Variants in SCRN1 observed in about 807,000 individuals in gnomAD.
SCRN1 encodes secernin 1.
In SCRN1, 19 loss-of-function variants were observed where a neutral mutation model predicts 43.3. The observed-to-expected ratio is 0.44, with a 90% CI of 0.31 to 0.64. The LOEUF is 0.64. Ranked by LOEUF, SCRN1 falls within the 30% of genes least tolerant of loss-of-function variation. The pLI is 0.09. For missense variants in SCRN1, 447 were observed against 524.1 expected (o/e 0.85, Z 1.44); for synonymous variants, 183 against 188.9 (o/e 0.97, Z 0.26).
chr7:29,963,403 G>A (rs1157988342), intron 2 of SCRN1, among the ~76,000 whole-genome samples: 1 of 152,206 alleles, frequency 6.6e-6, no homozygotes. Flanking sequence ...AAGTAGATGA[G>A]AGGAGGGGAG....
chr7:29,922,801 T>A lies in SCRN1; in HGVS notation c.*1156A>T, dbSNP rs1786811506. ...TATCCTGCAGAGAAATGCTTCTATA[T>A]CCATCTATCACCTCCTTGCCCTCTG... On this transcript the variant is annotated 3_prime_UTR_variant, in exon 8 of 8. Transcript: ENST00000242059. 1.3e-5 allele frequency: 2 copies of A among 152,342 alleles called. No homozygotes were observed. The highest frequency in any genetic ancestry group is 4.1e-4 in the South Asian group (2 of 4,836). 9.4% of individuals were successfully genotyped at this position (152,342 alleles called of 1,614,324 possible). A position where few individuals can be genotyped will look rare whatever the true frequency, so the allele number is the denominator to read the frequency against.
intron 2 of SCRN1, among the ~76,000 whole-genome samples, chr7:29,957,276 G>C (rs369692542): frequency 1.3e-5 from 2 of 152,188 alleles, no homozygotes; most frequent in East Asian, 1.9e-4. Flanking sequence ...TGTCCTTTTG[G>C]CTGGGGAGGA....
At chr7:29,933,284 C>A (rs569774622) in intron 6 of SCRN1, among the ~76,000 whole-genome samples, 1 of 152,228 alleles carries the variant, frequency 6.6e-6, no homozygotes, top group African/African-American at 2.4e-5. Context: ...AGTTTTATGG[C>A]ATTTGCCAAT....
Position 29,989,672 on chromosome 7 carries a change from C to T in SCRN1, c.-32G>A, listed in dbSNP as rs1190577066. Reference sequence around the variant, plus strand: ...GCGGCGGGCTCCGGGCTCCGCTCTCCGCTCTGCGGTGCTGAGGCTGCGGCC... The same window carrying T: ...GCGGCGGGCTCCGGGCTCCGCTCTCTGCTCTGCGGTGCTGAGGCTGCGGCC... On this transcript the variant is annotated 5_prime_UTR_variant, in exon 1 of 8. Coordinates refer to ENST00000242059, the MANE Select transcript of SCRN1 (RefSeq NM_014766.5). 4.1e-6 allele frequency: 4 copies of T among 985,674 alleles called. No individual in the cohort carries two copies. The highest frequency in any genetic ancestry group is 1.1e-4 in the East Asian group (1 of 8,816). 61.1% of individuals were successfully genotyped at this position (985,674 alleles called of 1,614,324 possible). A position where few individuals can be genotyped will look rare whatever the true frequency, so the allele number is the denominator to read the frequency against.
chr7:29,931,006 G>A (rs572505797), intron 6 of SCRN1, among the ~76,000 whole-genome samples: 14 of 152,318 alleles, frequency 9.2e-5, no homozygotes, highest in African/African-American at 2.2e-4. Flanking sequence ...ATGACACGAC[G>A]CACAGCGTGG....
chr7:29,934,850 TG>T (rs1036205584), intron 6 of SCRN1, among the ~76,000 whole-genome samples: 3 of 152,136 alleles, frequency 2.0e-5, no homozygotes, highest in African/African-American at 7.2e-5. Context: ...ACAGAGGGGC[TG>T]GGGGTAGAGG....
chr7:29,966,495 A>G (rs1461230508), intron 2 of SCRN1, among the ~76,000 whole-genome samples: 1 of 152,220 alleles, frequency 6.6e-6, no homozygotes, highest in Admixed American at 6.5e-5. Flanking sequence ...GGGAGGACAG[A>G]CAAGGAAGGT....
chr7:29,960,695 T>C (rs1788278604), intron 2 of SCRN1, among the ~76,000 whole-genome samples: 1 of 151,982 alleles, frequency 6.6e-6, no homozygotes, highest in Non-Finnish European at 1.5e-5. Context: ...TCCATGAGCA[T>C]GCATGCATAC....
At chr7:29,989,592 C>T in intron 1 of SCRN1, 50 bp downstream of exon 1, 1 of 985,688 alleles carries the variant, frequency 1.0e-6, no homozygotes, top group African/African-American at 1.7e-5. Context: ...GGGGTGAAAC[C>T]GCCGGGAAAG....
chr7:29,958,755 C>A (rs1196449761), intron 2 of SCRN1, among the ~76,000 whole-genome samples: 3 of 152,228 alleles, frequency 2.0e-5, no homozygotes, highest in Admixed American at 6.5e-5. Context: ...CCCACCCAGC[C>A]TTTCATAAAA....
At chr7:29,924,255 G>T in intron 7 of SCRN1, 140 bp from the exon 8 acceptor site, 1 of 769,344 alleles carries the variant, frequency 1.3e-6, no homozygotes, top group Non-Finnish European at 2.0e-6. Flanking sequence ...CACGACTGCC[G>T]CAGGGATTGT....
At chr7:29,925,598 T>C (rs1208512756) in intron 7 of SCRN1, among the ~76,000 whole-genome samples, 1 of 152,234 alleles carries the variant, frequency 6.6e-6, no homozygotes, top group African/African-American at 2.4e-5. Flanking sequence ...CACTGGGTGC[T>C]GTGGAACGTG....
chr7:29,956,172 TAAGCAC>T (rs1252716583), intron 2 of SCRN1, among the ~76,000 whole-genome samples: 1 of 152,216 alleles, frequency 6.6e-6, no homozygotes, highest in Non-Finnish European at 1.5e-5. Flanking sequence ...CACAGAATCA[TAAGCAC>T]AATAAAATCA....
At chr7:29,946,730 G>T (rs1787749958) in intron 3 of SCRN1, among the ~76,000 whole-genome samples, 1 of 152,148 alleles carries the variant, frequency 6.6e-6, no homozygotes, top group African/African-American at 2.4e-5. Flanking sequence ...CAGGACCATG[G>T]GTCAGAGATA....
chr7:29,977,515 A>G (rs1178569204), intron 1 of SCRN1, among the ~76,000 whole-genome samples: 1 of 152,240 alleles, frequency 6.6e-6, no homozygotes, highest in African/African-American at 2.4e-5. Context: ...TGTAAATGCC[A>G]GCTGATGAAA....
intron 7 of SCRN1, among the ~76,000 whole-genome samples, chr7:29,924,316 AG>A (rs1400446211): frequency 6.6e-6 from 1 of 152,204 alleles, no homozygotes; most frequent in African/African-American, 2.4e-5. Context: ...ACACCTGCAC[AG>A]CTTTCTGCTG....
chr7:29,920,171 T>A lies in SCRN1; in HGVS notation c.*3786A>T, dbSNP rs1297378038. ...TAGAGACAATTCCAAGGGCAAGCAC[T>A]GGATAGGGATATTATCTGCTTTGTA... On this transcript the variant is annotated 3_prime_UTR_variant, in exon 8 of 8. Coordinates refer to ENST00000242059, the MANE Select transcript of SCRN1 (RefSeq NM_014766.5). 1.3e-5 allele frequency: 2 copies of A among 152,654 alleles called. No individual in the cohort carries two copies. Among genetic ancestry groups the A allele is most frequent in the African/African-American group, 4.8e-5 (2 of 41,466 alleles). 9.5% of individuals were successfully genotyped at this position (152,654 alleles called of 1,614,324 possible). A position where few individuals can be genotyped will look rare whatever the true frequency, so the allele number is the denominator to read the frequency against.
chr7:29,972,082 A>C (rs960249202), intron 1 of SCRN1, among the ~76,000 whole-genome samples: 1 of 152,256 alleles, frequency 6.6e-6, no homozygotes, highest in Admixed American at 6.5e-5. Context: ...AGGAGTAGAG[A>C]GAGATAAACA....
intron 1 of SCRN1, among the ~76,000 whole-genome samples, chr7:29,971,651 A>C (rs1788669582): frequency 6.6e-6 from 1 of 151,300 alleles, no homozygotes; most frequent in Non-Finnish European, 1.5e-5. Flanking sequence ...AAAAAAAAAA[A>C]CTTTATTTGG....
Sources: allele counts gnomAD v4.1 joint callset (sites outside exome capture counted in the v4.1 genomes callset), GRCh38; gene constraint gnomAD v4.1.1; transcripts MANE v1.5; gene names NCBI Gene and HGNC (gene_info 2026-07-23, HGNC 2026-07-21).